Variants in FLRT1 observed in about 807,000 individuals in gnomAD.
FLRT1 encodes leucine-rich repeat transmembrane protein FLRT1.
In FLRT1, 14 loss-of-function variants were observed where a neutral mutation model predicts 30.9. The ratio of observed to expected loss-of-function variants is 0.45; its 90% CI spans 0.30 to 0.71. The LOEUF (loss-of-function observed/expected upper bound fraction) is 0.71, where lower values mean the gene tolerates loss of function less well. Among genes scored for constraint, FLRT1 ranks in the 30% least tolerant of loss-of-function variants. The pLI is 0.08. For synonymous variants in FLRT1, 368 were observed against 430.4 expected (o/e 0.85, Z 1.80); for missense variants, 737 against 949.2 (o/e 0.78, Z 2.94).
At chr11:64,041,277 G>A (rs972843360) in intron 1 of FLRT1, among the ~76,000 whole-genome samples, 2 of 145,272 alleles carry the variant, frequency 1.4e-5, no homozygotes, top group Non-Finnish European at 1.5e-5. Context: ...AATGCCTTCC[G>A]TGAGGAGCCG....
chr11:64,055,296 G>C (rs1043777972), intron 1 of FLRT1, among the ~76,000 whole-genome samples: 2 of 152,222 alleles, frequency 1.3e-5, no homozygotes, highest in African/African-American at 4.8e-5. Context: ...CGGGAGACAG[G>C]AACAAATGCC....
At chr11:64,039,578 C>CG (rs1302478746) in intron 1 of FLRT1, among the ~76,000 whole-genome samples, 11 of 152,130 alleles carry the variant, frequency 7.2e-5, no homozygotes, top group Non-Finnish European at 1.3e-4. Flanking sequence ...CGGGAGGAGA[C>CG]GGGAAAAGGA....
At chr11:64,065,748 C>T (rs1333666951) in intron 1 of FLRT1, among the ~76,000 whole-genome samples, 2 of 149,548 alleles carry the variant, frequency 1.3e-5, no homozygotes, top group Non-Finnish European at 1.5e-5. Flanking sequence ...TGAGATGGCG[C>T]CACTGCACTC....
At position 64,117,572 on chromosome 11, in the gene FLRT1, C is replaced by T. The variant is rs762156219; in HGVS notation, c.1305C>T (p.Gly435=). The T allele has an allele frequency of 9.9e-6, 16 of 1,609,612 alleles. No individual in the cohort carries two copies. The highest frequency in any genetic ancestry group is 1.7e-4 in the Middle Eastern group (1 of 6,040). ...NIDYPMATGD[G]AKTLAIHVKA... The stretch of plus-strand genomic sequence containing the variant: ...ACTACCCCATGGCCACGGGTGATGG[C>T]GCCAAGACCCTGGCCATCCACGTGA... Residue 435 remains glycine (G), a synonymous_variant, in exon 3 of 3, where the codon GGC becomes GGT. Coordinates refer to ENST00000682287, the MANE Select transcript of FLRT1 (RefSeq NM_013280.5).
At chr11:64,083,242 C>T (rs1354138516) in intron 1 of FLRT1, among the ~76,000 whole-genome samples, 1 of 152,166 alleles carries the variant, frequency 6.6e-6, no homozygotes, top group Non-Finnish European at 1.5e-5. Flanking sequence ...TCGAGACCAG[C>T]CTTGGCAACA....
chr11:64,060,644 G>A (rs1016824543), intron 1 of FLRT1: 1 of 152,178 alleles, frequency 6.6e-6, no homozygotes, highest in African/African-American at 2.4e-5. Context: ...CGGACGCCGT[G>A]ACCTGGGGCA....
chr11:64,118,342 G>T lies in FLRT1; in HGVS notation c.*50G>T. Reference sequence around the variant, plus strand: ...CCTCAGCCCCAGCTGCCCTGGCGTGGCCATGTGGCTTTGCCCAGCCTGCTG... The same window carrying T: ...CCTCAGCCCCAGCTGCCCTGGCGTGTCCATGTGGCTTTGCCCAGCCTGCTG... On this transcript the variant is annotated 3_prime_UTR_variant, in exon 3 of 3. Transcript: ENST00000682287. 1 of 1,500,304 alleles carries T rather than the reference G, an allele frequency of 6.7e-7. No homozygotes were observed. Among genetic ancestry groups the T allele is most frequent in the Non-Finnish European group, 8.9e-7 (1 of 1,122,294 alleles). The allele number at this position is 1,500,304 out of a possible 1,614,324, so 92.9% of individuals were successfully genotyped here.
intron 1 of FLRT1, among the ~76,000 whole-genome samples, chr11:64,071,097 C>T (rs577940409): frequency 6.6e-6 from 1 of 152,290 alleles, no homozygotes; most frequent in Non-Finnish European, 1.5e-5. Context: ...GGACCTCCAC[C>T]TGGGGTGGCT....
chr11:64,109,231 G>T (rs1049011396), intron 2 of FLRT1, among the ~76,000 whole-genome samples: 12 of 152,138 alleles, frequency 7.9e-5, no homozygotes, highest in Non-Finnish European at 1.5e-4. Flanking sequence ...GTTCCATGAG[G>T]GCCAGGAGCC....
At position 64,082,194 on chromosome 11, in the gene FLRT1, G is replaced by A. The variant is rs985390517; in HGVS notation, c.-1037-21000G>A. On this transcript the variant is annotated intron_variant, in intron 1 of 2. Transcript: ENST00000682287. The surrounding 1 kb of genome is among the most constrained non-coding windows in gnomAD (Gnocchi z 4.5). ...GAGCAGGCCAGAGCCAGGAGCAGGCGCGAAACATCCCTTAAATATTGGTGC... is the reference window on the plus strand; with the variant it reads ...GAGCAGGCCAGAGCCAGGAGCAGGCACGAAACATCCCTTAAATATTGGTGC... Among the ~76,000 whole-genome samples, 3 of 152,116 alleles carry A rather than the reference G, an allele frequency of 2.0e-5. No homozygotes were observed. Among genetic ancestry groups the A allele is most frequent in the Non-Finnish European group, 4.4e-5 (3 of 68,024 alleles).
At chr11:64,087,815 C>T (rs966768104) in intron 1 of FLRT1, among the ~76,000 whole-genome samples, 7 of 152,250 alleles carry the variant, frequency 4.6e-5, no homozygotes, top group Non-Finnish European at 1.0e-4. Flanking sequence ...GGCTTCTCTG[C>T]ACTGTGGGGT....
intron 1 of FLRT1, among the ~76,000 whole-genome samples, chr11:64,069,250 A>C (rs1359553278): frequency 6.6e-6 from 1 of 152,132 alleles, no homozygotes; most frequent in Non-Finnish European, 1.5e-5. Flanking sequence ...CCGCAGTTCT[A>C]CCTGACACCG....
At chr11:64,049,804 C>A (rs374570229) in intron 1 of FLRT1, among the ~76,000 whole-genome samples, 1 of 152,178 alleles carries the variant, frequency 6.6e-6, no homozygotes, top group Admixed American at 6.5e-5. Context: ...CAAGTGAAGT[C>A]GTCTCTGCAG....
chr11:64,074,504 A>G (rs1944166527), intron 1 of FLRT1, among the ~76,000 whole-genome samples: 1 of 152,204 alleles, frequency 6.6e-6, no homozygotes, highest in Non-Finnish European at 1.5e-5. Flanking sequence ...GAGCTCAGAG[A>G]GGTTCAGTTT....
chr11:64,110,545 C>T (rs186799993), intron 2 of FLRT1, among the ~76,000 whole-genome samples: 6 of 151,990 alleles, frequency 3.9e-5, no homozygotes, highest in Admixed American at 1.3e-4. Flanking sequence ...CAGGGGACAA[C>T]GACTGATAGA....
rs1356620753 is a variant in FLRT1 at position 64,090,715 on chromosome 11, A to G, written c.-1037-12479A>G. ...GACGTCCCAAGACTAAAATGGGGGC[A>G]GGGGTGGCAGCGTCTCTCCACCACA... On this transcript the variant is annotated intron_variant, in intron 1 of 2. Transcript: ENST00000682287. This position sits in a 1 kb window ranked among gnomAD's most constrained non-coding sequence, Gnocchi z 4.7. Among the ~76,000 whole-genome samples the G allele has an allele frequency of 3.3e-5, 5 of 151,986 alleles. No individual in the cohort carries two copies. Among genetic ancestry groups the G allele is most frequent in the African/African-American group, 1.2e-4 (5 of 41,460 alleles).
chr11:64,109,949 G>A (rs1944830164), intron 2 of FLRT1, among the ~76,000 whole-genome samples: 1 of 152,144 alleles, frequency 6.6e-6, no homozygotes, highest in Non-Finnish European at 1.5e-5. Context: ...GCAGAAGCTA[G>A]GCCGTGTGTC....
Position 64,117,754 on chromosome 11 carries a change from C to T in FLRT1, c.1487C>T (p.Ala496Val). ...GACAAGACAGAGTACCTGCTGACAG[C>T]CCTGGAGCCCAAGTCCACCTACATC... ...QGDKTEYLLT[A>V]LEPKSTYIIC... Residue 496 changes from alanine to valine, a missense_variant, in exon 3 of 3, where the codon GCC becomes GTC. Transcript: ENST00000682287. 6.2e-7 allele frequency: 1 copy of T among 1,614,046 alleles called. No individual in the cohort carries two copies. The highest frequency in any genetic ancestry group is 8.5e-7 in the Non-Finnish European group (1 of 1,180,040).
intron 2 of FLRT1, among the ~76,000 whole-genome samples, chr11:64,110,206 T>C (rs1320707768): frequency 6.6e-6 from 1 of 151,884 alleles, no homozygotes; most frequent in African/African-American, 2.4e-5. Flanking sequence ...TCTCAGCACT[T>C]TGGGATGCTG....
Sources: gnomAD v4.1 joint callset for allele counts (sites outside exome capture counted in the v4.1 genomes callset) on GRCh38, gnomAD v4.1.1 for gene constraint, Gnocchi (gnomAD v3.1) non-coding constraint, MANE v1.5 for transcripts, NCBI Gene and HGNC (gene_info 2026-07-23, HGNC 2026-07-21) for gene names.